Variants in CCDC73 observed in about 807,000 individuals in gnomAD.
CCDC73 encodes coiled-coil domain-containing protein 73.
Under a neutral mutation model 116.5 loss-of-function variants are expected in CCDC73, and 95 were observed. The observed-to-expected ratio is 0.82, with a 90% CI of 0.69 to 0.97. CCDC73 has a LOEUF of 0.97. Ranked by LOEUF, CCDC73 falls within the 50% of genes least tolerant of loss-of-function variation. The pLI is 0.00. For missense variants in CCDC73, 1,066 were observed against 1,206.8 expected (o/e 0.88, Z 1.73); for synonymous variants, 398 against 401.3 (o/e 0.99, Z 0.10).
At chr11:32,706,012 G>A (rs1194340101) in intron 3 of CCDC73, among the ~76,000 whole-genome samples, 20 of 135,438 alleles carry the variant, frequency 1.5e-4, no homozygotes, top group Admixed American at 2.2e-4. Flanking sequence ...TATATCAGCT[G>A]AAAAAAAAAA....
At chr11:32,607,123 C>T (rs367963698) in intron 17 of CCDC73, among the ~76,000 whole-genome samples, 54 of 118,160 alleles carry the variant, frequency 4.6e-4, no homozygotes, top group East Asian at 3.0e-3. Context: ...GACGGAGTCT[C>T]GCTCTGTCGC....
At chr11:32,690,986 G>T (rs1036487673) in intron 6 of CCDC73, among the ~76,000 whole-genome samples, 8 of 151,232 alleles carry the variant, frequency 5.3e-5, no homozygotes, top group Non-Finnish European at 1.0e-4. Flanking sequence ...TATTTTTACT[G>T]CCCTAAAAAA....
chr11:32,634,900 T>TCA (rs1855664317), intron 14 of CCDC73, among the ~76,000 whole-genome samples: 1 of 152,156 alleles, frequency 6.6e-6, no homozygotes. Context: ...AGTGGGAGCA[T>TCA]CACTTGAGCC....
intron 12 of CCDC73, among the ~76,000 whole-genome samples, chr11:32,645,072 A>C (rs1855765286): frequency 6.6e-6 from 1 of 152,132 alleles, no homozygotes. Context: ...TATAAAAAAA[A>C]CTAACACACA....
At chr11:32,642,768 T>C (rs1479665578) in intron 12 of CCDC73, among the ~76,000 whole-genome samples, 1 of 151,900 alleles carries the variant, frequency 6.6e-6, no homozygotes, top group Non-Finnish European at 1.5e-5. Flanking sequence ...TAAACAGTGA[T>C]AGAACTCCTA....
At chr11:32,607,464 T>C (rs973486660) in intron 17 of CCDC73, among the ~76,000 whole-genome samples, 1 of 152,152 alleles carries the variant, frequency 6.6e-6, no homozygotes. Context: ...AACTCCCCTA[T>C]TAGATTAATT....
At chr11:32,799,971 A>G in the CCDC73 span, among the ~76,000 whole-genome samples, 1 of 152,258 alleles carries the variant, frequency 6.6e-6, no homozygotes, top group Non-Finnish European at 1.5e-5. Flanking sequence ...ACCTCAGCGC[A>G]GTGCTTGGCA....
At position 32,693,866 on chromosome 11, in the gene CCDC73, C is replaced by G. The variant is rs554594712; in HGVS notation, c.390+5385G>C. 3.5e-3 allele frequency among the ~76,000 whole-genome samples: 526 copies of G among 152,274 alleles called. 1 individual carries two copies. The highest frequency in any genetic ancestry group is 6.8e-3 in the Non-Finnish European group (460 of 68,024). ...AAGGCCTGTGACAAAATTCAACAGC[C>G]CTTCATGCTAAAAACTCTCAATAAA... On this transcript the variant is annotated intron_variant, in intron 6 of 17. Transcript: ENST00000335185.
chr11:32,644,735 C>T (rs111530851), intron 12 of CCDC73, among the ~76,000 whole-genome samples: 4,213 of 152,244 alleles, frequency 0.028, 184 homozygotes, highest in African/African-American at 0.094. Flanking sequence ...TCCAAAAGTT[C>T]CCTTGGGCCA....
At chr11:32,700,863 AC>A in intron 4 of CCDC73, 37 bp from the exon 5 acceptor site, 1 of 1,197,002 alleles carries the variant, frequency 8.4e-7, no homozygotes, top group Non-Finnish European at 1.2e-6. Context: ...TAAAGGGATC[AC>A]TGTTAACAGT....
the CCDC73 span, among the ~76,000 whole-genome samples, chr11:32,822,345 T>TC: frequency 1.8e-4 from 28 of 152,228 alleles, no homozygotes; most frequent in African/African-American, 6.0e-4. Context: ...CTCAGGTTTA[T>TC]CTGTAGCATG....
At chr11:32,740,997 A>G (rs1850178713) in intron 2 of CCDC73, among the ~76,000 whole-genome samples, 1 of 152,060 alleles carries the variant, frequency 6.6e-6, no homozygotes, top group Non-Finnish European at 1.5e-5. Flanking sequence ...ATTCCTCATT[A>G]TTGATTTCCA....
At chr11:32,830,258 A>C in the CCDC73 span, 2 of 1,029,494 alleles carry the variant, frequency 1.9e-6, no homozygotes, top group Non-Finnish European at 2.5e-6. Flanking sequence ...ATTCGAACAC[A>C]TAGCGAGGGT....
intron 2 of CCDC73, among the ~76,000 whole-genome samples, chr11:32,754,360 G>A (rs1850313187): frequency 6.6e-6 from 1 of 152,124 alleles, no homozygotes; most frequent in African/African-American, 2.4e-5. Flanking sequence ...ACAGAACTCA[G>A]TACAGAGAGG....
chr11:32,742,567 G>A (rs1850197621), intron 2 of CCDC73, among the ~76,000 whole-genome samples: 1 of 152,166 alleles, frequency 6.6e-6, no homozygotes. Flanking sequence ...CCCTTTGTCA[G>A]ATGAGTAGAT....
At chr11:32,643,855 C>A (rs113424500) in intron 12 of CCDC73, among the ~76,000 whole-genome samples, 1,574 of 152,104 alleles carry the variant, frequency 0.01, 26 homozygotes, top group African/African-American at 0.036. Flanking sequence ...ATAAATCAAG[C>A]TTAGTTGACT....
rs71063758 is a variant in CCDC73, at chr11:32,776,989, G to GTATATATATA, written c.-15-16741_-15-16732dup. On this transcript the variant is annotated intron_variant, in intron 1 of 17. Transcript: ENST00000335185. ...CACACACACATATATATATACACATGTATATATATATATATATATATATAT... is the reference window on the plus strand; with the variant it reads ...CACACACACATATATATATACACATGTATATATATATATATATATATATATATATATATAT... 5.6e-3 allele frequency among the ~76,000 whole-genome samples: 567 copies of GTATATATATA among 101,008 alleles called. 9 individuals are homozygous for GTATATATATA. The highest frequency in any genetic ancestry group is 8.3e-3 in the African/African-American group (223 of 26,968). The allele number at this position is 101,008 out of a possible 152,430, so 66.3% of individuals were successfully genotyped here.
In CCDC73 at chr11:32,718,123, G is replaced by C; in HGVS notation, c.160C>G (p.Gln54Glu). The change falls in exon 3 of 18, where the codon CAG (glutamine) becomes GAG (glutamate). Residue 54 changes from glutamine (Q) to glutamate (E), a missense_variant. Physicochemically the swap from Gln to Glu is conservative, Grantham distance 29. Coordinates refer to ENST00000335185, the MANE Select transcript of CCDC73 (RefSeq NM_001008391.4). ...RREAEIHYEE[Q>E]IGKIIVETQE... ...GTCTCCACAATAATTTTACCAATCT[G>C]CTCTTCATAATGAATTTCTGCTTCC... The C allele has an allele frequency of 6.2e-7, 1 of 1,605,356 alleles. No individual in the cohort carries two copies.
At chr11:32,671,845 C>T (rs911725404) in intron 9 of CCDC73, among the ~76,000 whole-genome samples, 1 of 152,222 alleles carries the variant, frequency 6.6e-6, no homozygotes, top group African/African-American at 2.4e-5. Flanking sequence ...GAGGCCACTA[C>T]TGCATGACAT....
Sources: gnomAD v4.1 joint callset for allele counts (sites outside exome capture counted in the v4.1 genomes callset) on GRCh38, gnomAD v4.1.1 for gene constraint, MANE v1.5 for transcripts, NCBI Gene and HGNC (gene_info 2026-07-23, HGNC 2026-07-21) for gene names.